HMCN1: variants seen among roughly 807,000 people sequenced by gnomAD.
HMCN1 encodes hemicentin-1.
A neutral mutation model predicts 625.9 loss-of-function variants in HMCN1; 321 were observed. That is an observed-to-expected ratio of 0.51 (90% CI 0.47 to 0.56). The LOEUF (loss-of-function observed/expected upper bound fraction) is 0.56, where lower values mean the gene tolerates loss of function less well. Among genes scored for constraint, HMCN1 ranks in the 20% least tolerant of loss-of-function variants. The probability of loss-of-function intolerance (pLI) is 0.00; values close to 1 mark genes in which losing one functional copy is unlikely to be tolerated. For missense variants in HMCN1, 6,588 were observed against 6,887.3 expected, an observed-to-expected ratio of 0.96 and a Z score of 1.54; for synonymous variants, 2,425 against 2,417.6, an observed-to-expected ratio of 1.00 and a Z score of -0.09.
intron 41 of HMCN1, among the ~76,000 whole-genome samples, chr1:186,047,673 C>A (rs1656665369): frequency 2.0e-5 from 3 of 152,076 alleles, no homozygotes; most frequent in Non-Finnish European, 2.9e-5. Context: ...ACTTTAAGAA[C>A]TTGGAACCCT....
intron 4 of HMCN1, among the ~76,000 whole-genome samples, chr1:185,893,836 C>T (rs6679622): frequency 0.064 from 9,676 of 152,154 alleles, 1,083 homozygotes; most frequent in African/African-American, 0.22. Flanking sequence ...CAGCTTAATA[C>T]ATTTTCACAA....
At chr1:185,801,017 A>C (rs1658758592) in intron 1 of HMCN1, among the ~76,000 whole-genome samples, 2 of 152,214 alleles carry the variant, frequency 1.3e-5, no homozygotes, top group Non-Finnish European at 2.9e-5. Context: ...TGTTTTGGAT[A>C]CATCTAAAAA....
chr1:186,074,605 T>C lies in HMCN1; in HGVS notation c.8140-136T>C. On this transcript the variant is annotated intron_variant, in intron 52 of 106. Coordinates refer to ENST00000271588, the MANE Select transcript of HMCN1 (RefSeq NM_031935.3). ...ATCAAAGTAAATCAATTATTTTGATTAAACTATTGTCATGAATGTTTTGCA... is the reference window on the plus strand; with the variant it reads ...ATCAAAGTAAATCAATTATTTTGATCAAACTATTGTCATGAATGTTTTGCA... The C allele has an allele frequency of 4.1e-6, 3 of 738,648 alleles. No homozygotes were observed. In the East Asian group the frequency reaches 8.2e-5, roughly 20 times the overall value. 45.8% of individuals were successfully genotyped at this position (738,648 alleles called of 1,614,324 possible). A position where few individuals can be genotyped will look rare whatever the true frequency, so the allele number is the denominator to read the frequency against.
chr1:185,840,172 G>A (rs1407430), intron 1 of HMCN1, among the ~76,000 whole-genome samples: 33,979 of 152,060 alleles, frequency 0.22, 4,204 homozygotes, highest in Non-Finnish European at 0.28. Context: ...AAATGAGTAA[G>A]GATGGAGAAA....
intron 14 of HMCN1, 96 bp downstream of exon 14, chr1:185,966,011 A>G: frequency 1.3e-6 from 1 of 788,102 alleles, no homozygotes; most frequent in Non-Finnish European, 2.3e-6. Flanking sequence ...TGTGTGACTT[A>G]GCAGCCCCAT....
intron 4 of HMCN1, among the ~76,000 whole-genome samples, chr1:185,877,266 G>A (rs1664001274): frequency 6.9e-6 from 1 of 145,382 alleles, no homozygotes; most frequent in African/African-American, 2.5e-5. Flanking sequence ...TTGGCTGGGA[G>A]TATGTGGCTT....
chr1:185,751,659 C>A (rs1288824001), intron 1 of HMCN1, among the ~76,000 whole-genome samples: 2 of 151,982 alleles, frequency 1.3e-5, no homozygotes, highest in Non-Finnish European at 2.9e-5. Context: ...ATTCTCTAAG[C>A]CTTTTTACCT....
intron 1 of HMCN1, among the ~76,000 whole-genome samples, chr1:185,792,208 A>G (rs1446136136): frequency 6.6e-6 from 1 of 152,218 alleles, no homozygotes. Flanking sequence ...TCACCATGCT[A>G]ATAACAACAA....
chr1:185,994,954 A>T lies in HMCN1; in HGVS notation c.3645A>T (p.Gly1215=), dbSNP rs1385837112. The change falls in exon 24 of 107, where the codon GGA becomes GGT. Residue 1215 remains glycine, a synonymous_variant. Coordinates refer to ENST00000271588, the MANE Select transcript of HMCN1 (RefSeq NM_031935.3). ...GTGGAAGCACTATGCTGGTTGATGGAGAGCACCATGTTAGCAATCCAGACG... is the reference window on the plus strand; with the variant it reads ...GTGGAAGCACTATGCTGGTTGATGGTGAGCACCATGTTAGCAATCCAGACG... ...SKGGSTMLVD[G]EHHVSNPDGT... The T allele has an allele frequency of 6.2e-7, 1 of 1,613,838 alleles. No individual in the cohort carries two copies. The highest frequency in any genetic ancestry group is 1.3e-5 in the African/African-American group (1 of 74,912).
At chr1:185,959,144 A>C (rs1410609502) in intron 11 of HMCN1, among the ~76,000 whole-genome samples, 1 of 152,214 alleles carries the variant, frequency 6.6e-6, no homozygotes, top group Non-Finnish European at 1.5e-5. Flanking sequence ...AGGTAATTAA[A>C]TCATTTGCAT....
chr1:186,094,124 C>T, intron 66 of HMCN1, 152 bp from the exon 67 acceptor site: 2 of 690,232 alleles, frequency 2.9e-6, no homozygotes, highest in Non-Finnish European at 2.6e-6. Flanking sequence ...GCATTTGAGG[C>T]CCCTATATTT....
intron 66 of HMCN1, among the ~76,000 whole-genome samples, chr1:186,094,037 A>C (rs1424872086): frequency 6.6e-6 from 1 of 152,094 alleles, no homozygotes; most frequent in Non-Finnish European, 1.5e-5. Context: ...ATATATTTGA[A>C]AAATATTCAC....
At chr1:186,042,351 A>G (rs1401730509) in intron 40 of HMCN1, among the ~76,000 whole-genome samples, 1 of 152,192 alleles carries the variant, frequency 6.6e-6, no homozygotes, top group African/African-American at 2.4e-5. Flanking sequence ...TCATCAATCA[A>G]TCTAAGTATG....
At chr1:185,746,728 C>T (rs772851209) in intron 1 of HMCN1, among the ~76,000 whole-genome samples, 3 of 151,624 alleles carry the variant, frequency 2.0e-5, no homozygotes, top group Non-Finnish European at 4.4e-5. Context: ...GCCTTAGCCT[C>T]CTGAGTAGCT....
At chr1:186,061,024 T>C (rs975831071) in intron 46 of HMCN1, among the ~76,000 whole-genome samples, 6 of 152,094 alleles carry the variant, frequency 3.9e-5, no homozygotes, top group Non-Finnish European at 7.4e-5. Flanking sequence ...CTGGCCATAC[T>C]CCATCTAGCC....
chr1:185,965,864 A>G lies in HMCN1; in HGVS notation c.2161A>G (p.Met721Val). 1 of 1,612,228 alleles carries G rather than the reference A, an allele frequency of 6.2e-7. No homozygotes were observed. Among genetic ancestry groups the G allele is most frequent in the Non-Finnish European group, 8.5e-7 (1 of 1,178,478 alleles). The change falls in exon 14 of 107, where the codon ATG becomes GTG. Residue 721 changes from methionine (M) to valine (V), a missense_variant. Coordinates refer to ENST00000271588, the MANE Select transcript of HMCN1 (RefSeq NM_031935.3). ...LLVALGDITV[M>V]ECKTSGIPPP... is the part of the protein sequence containing the mutation. ...GGTTGCCCTTGGGGATATAACCGTTATGGAATGCAAAACCTCTGGTATTCC... is the reference window on the plus strand; with the variant it reads ...GGTTGCCCTTGGGGATATAACCGTTGTGGAATGCAAAACCTCTGGTATTCC...
chr1:185,805,290 T>C (rs1007833538), intron 1 of HMCN1, among the ~76,000 whole-genome samples: 2 of 152,208 alleles, frequency 1.3e-5, no homozygotes, highest in Non-Finnish European at 2.9e-5. Flanking sequence ...ATATTTTTTA[T>C]TGGTACTCCA....
At chr1:186,170,217 G>C (rs1181562858) in intron 100 of HMCN1, among the ~76,000 whole-genome samples, 1 of 152,204 alleles carries the variant, frequency 6.6e-6, no homozygotes, top group Admixed American at 6.6e-5. Context: ...TGGAGAGGAG[G>C]TGGAGTGTTT....
At position 185,955,142 on chromosome 1, in the gene HMCN1, T is replaced by G. The variant is rs181953073; in HGVS notation, c.1829-7376T>G. Among the ~76,000 whole-genome samples, 37 of 152,294 alleles carry G rather than the reference T, an allele frequency of 2.4e-4. No individual in the cohort carries two copies. The East Asian group carries it at 6.8e-3, about 28-fold the overall frequency. On this transcript the variant is annotated intron_variant, in intron 11 of 106. Coordinates refer to ENST00000271588, the MANE Select transcript of HMCN1 (RefSeq NM_031935.3). ...CTAAGCTATTAGAATCCTCTTTTTA[T>G]GGACTTACTTTCTTTTAGAATGGGG...
Sources: gnomAD v4.1 joint callset for allele counts (sites outside exome capture counted in the v4.1 genomes callset) on GRCh38, gnomAD v4.1.1 for gene constraint, MANE v1.5 for transcripts, NCBI Gene and HGNC (gene_info 2026-07-23, HGNC 2026-07-21) for gene names.